The following VEPH1 variants were observed in gnomAD, a reference collection of about 807,000 sequenced individuals.
The protein encoded by VEPH1 is ventricular zone-expressed PH domain-containing protein homolog 1.
Under a neutral mutation model 85.2 loss-of-function variants are expected in VEPH1, and 80 were observed. That is an observed-to-expected ratio of 0.94 (90% CI 0.78 to 1.13). The LOEUF is 1.13. VEPH1 is among the 50% of genes most tolerant of loss of function. The pLI, the probability that VEPH1 is intolerant of heterozygous loss-of-function variation, is 0.00. For missense variants in VEPH1, 955 were observed against 980.5 expected (o/e 0.97, Z 0.35); for synonymous variants, 297 against 348.0 (o/e 0.85, Z 1.63).
At chr3:157,452,322 C>T (rs1735036863) in intron 4 of VEPH1, among the ~76,000 whole-genome samples, 1 of 151,940 alleles carries the variant, frequency 6.6e-6, no homozygotes, top group South Asian at 2.1e-4. Flanking sequence ...GAGGGAAGTG[C>T]AAAGGGAAGG....
intron 6 of VEPH1, among the ~76,000 whole-genome samples, chr3:157,384,767 A>G (rs1729115902): frequency 6.6e-6 from 1 of 152,186 alleles, no homozygotes; most frequent in South Asian, 2.1e-4. Context: ...CAGGGGTAAC[A>G]GATGTGATTT....
At chr3:157,372,256 A>T (rs1727578762) in intron 7 of VEPH1, among the ~76,000 whole-genome samples, 1 of 152,164 alleles carries the variant, frequency 6.6e-6, no homozygotes, top group Non-Finnish European at 1.5e-5. Flanking sequence ...CTGTAACCCA[A>T]TTTTAATTGA....
chr3:157,352,920 G>T (rs566344882), intron 9 of VEPH1, among the ~76,000 whole-genome samples: 1 of 152,244 alleles, frequency 6.6e-6, no homozygotes, highest in South Asian at 2.1e-4. Flanking sequence ...TGCAGGGCAG[G>T]TAAAGGGAGG....
At chr3:157,284,246 G>A (rs1716496159) in intron 12 of VEPH1, among the ~76,000 whole-genome samples, 1 of 152,092 alleles carries the variant, frequency 6.6e-6, no homozygotes, top group South Asian at 2.1e-4. Context: ...AACAAATATA[G>A]CATGCTAAAA....
rs532510765 is a variant in VEPH1, at chr3:157,264,766, T to C, written c.2265+760A>G. ...TGTTGCATAGTAGGCACTGAAAAAA[T>C]GCTAGTCATTATGATTATTTTCTAA... On this transcript the variant is annotated intron_variant, in intron 13 of 13. Transcript: ENST00000362010. 3.9e-5 allele frequency among the ~76,000 whole-genome samples: 6 copies of C among 151,912 alleles called. No homozygotes were observed. In the East Asian group the frequency reaches 1.2e-3, roughly 29 times the overall value.
intron 5 of VEPH1, among the ~76,000 whole-genome samples, chr3:157,414,602 TAA>T (rs1445510623): frequency 1.6e-4 from 24 of 152,274 alleles, no homozygotes; most frequent in African/African-American, 5.3e-4. Flanking sequence ...AATGTAATAA[TAA>T]GATAAAATTA....
intron 2 of VEPH1, among the ~76,000 whole-genome samples, chr3:157,479,978 T>TTTTCTTTTCACTTTCTCTC (rs1737863053): frequency 6.6e-6 from 1 of 152,088 alleles, no homozygotes; most frequent in Non-Finnish European, 1.5e-5. Context: ...CTTTCTTTCT[T>TTTTCTTTTCACTTTCTCTC]TTTCTTTTCA....
At chr3:157,500,991 AT>A (rs1286157168) in intron 1 of VEPH1, among the ~76,000 whole-genome samples, 3 of 152,198 alleles carry the variant, frequency 2.0e-5, no homozygotes, top group African/African-American at 7.2e-5. Flanking sequence ...AGCCTGGCAT[AT>A]GGCAACCACA....
chr3:157,299,328 G>T (rs976501245), intron 11 of VEPH1, among the ~76,000 whole-genome samples: 1 of 152,084 alleles, frequency 6.6e-6, no homozygotes, highest in South Asian at 2.1e-4. Context: ...GGCAGCTGAG[G>T]TGGGTGGATC....
intron 1 of VEPH1, among the ~76,000 whole-genome samples, chr3:157,500,780 A>G (rs1740039569): frequency 6.6e-6 from 1 of 152,048 alleles, no homozygotes; most frequent in East Asian, 1.9e-4. Context: ...ACTCTATGGA[A>G]CTCCAGTAAG....
intron 7 of VEPH1, among the ~76,000 whole-genome samples, chr3:157,368,287 G>T (rs1408730469): frequency 1.3e-5 from 2 of 152,154 alleles, no homozygotes; most frequent in Non-Finnish European, 1.5e-5. Context: ...CTGCAGCCTG[G>T]ATGCATCAGA....
intron 6 of VEPH1, among the ~76,000 whole-genome samples, chr3:157,390,883 C>T (rs758015124): frequency 8.5e-5 from 13 of 152,206 alleles, no homozygotes; most frequent in Admixed American, 2.6e-4. Flanking sequence ...AACATCCCCT[C>T]GGGGCTCCAT....
intron 12 of VEPH1, among the ~76,000 whole-genome samples, chr3:157,267,060 ATG>A (rs1349132128): frequency 6.6e-6 from 1 of 151,034 alleles, no homozygotes; most frequent in East Asian, 1.9e-4. Flanking sequence ...AAATAATAAA[ATG>A]TATAGTTTTC....
At chr3:157,299,613 G>T (rs1322959191) in intron 11 of VEPH1, among the ~76,000 whole-genome samples, 1 of 149,248 alleles carries the variant, frequency 6.7e-6, no homozygotes, top group African/African-American at 2.5e-5. Context: ...TCATGACTGA[G>T]AATATAAAGT....
intron 7 of VEPH1, among the ~76,000 whole-genome samples, chr3:157,366,590 C>T (rs1274717660): frequency 1.3e-5 from 2 of 151,986 alleles, no homozygotes; most frequent in African/African-American, 4.8e-5. Flanking sequence ...CAAAAATTAG[C>T]TGGGTGTGGT....
intron 6 of VEPH1, among the ~76,000 whole-genome samples, chr3:157,407,594 C>A (rs1213367025): frequency 6.6e-6 from 1 of 152,144 alleles, no homozygotes; most frequent in Non-Finnish European, 1.5e-5. Flanking sequence ...TGCCTCATTC[C>A]AATTCTGTCT....
chr3:157,318,863 T>C (rs764158987), intron 9 of VEPH1, among the ~76,000 whole-genome samples: 1 of 151,970 alleles, frequency 6.6e-6, no homozygotes, highest in Non-Finnish European at 1.5e-5. Context: ...TTGGGCAATA[T>C]AGTGAGACCA....
chr3:157,481,158 G>T (rs1737999342), intron 2 of VEPH1, among the ~76,000 whole-genome samples: 1 of 151,856 alleles, frequency 6.6e-6, no homozygotes, highest in South Asian at 2.1e-4. Flanking sequence ...TTTTTTGCAT[G>T]TCGAATTGTT....
chr3:157,415,322 A>G (rs1731826793), intron 5 of VEPH1: 1 of 152,204 alleles, frequency 6.6e-6, no homozygotes, highest in Non-Finnish European at 1.5e-5. Flanking sequence ...TGTTTAGTAA[A>G]GGAGACATTC....
Sources: allele counts gnomAD v4.1 joint callset (sites outside exome capture counted in the v4.1 genomes callset), GRCh38; gene constraint gnomAD v4.1.1; transcripts MANE v1.5; gene names NCBI Gene and HGNC (gene_info 2026-07-23, HGNC 2026-07-21).